POLI: variants seen among roughly 807,000 people sequenced by gnomAD.
POLI encodes the protein RAD30 homolog B.
In POLI, 58 loss-of-function variants were observed where a neutral mutation model predicts 51.6. The observed-to-expected ratio is 1.12, with a 90% CI of 0.91 to 1.40. The LOEUF is 1.40. POLI is among the 40% of genes most tolerant of loss of function. The pLI is 0.00. For synonymous variants in POLI, 322 were observed against 299.7 expected, an observed-to-expected ratio of 1.07 and a Z score of -0.77; for missense variants, 921 against 871.3, an observed-to-expected ratio of 1.06 and a Z score of -0.72.
rs112863805 is a variant in POLI at position 54,277,603 on chromosome 18, C to G, written c.407-100C>G. On this transcript the variant is annotated intron_variant, in intron 3 of 9. Transcript: ENST00000579534. ...ATGGAACTATGAATGTATATAAAAC[C>G]TTTAACAATAAATTTGATAAATTTT... 4.6e-4 allele frequency: 325 copies of G among 713,444 alleles called. 4 individuals are homozygous for G. The African/African-American group carries it at 4.9e-3, about 11-fold the overall frequency. The allele number at this position is 713,444 out of a possible 1,614,324, so 44.2% of individuals were successfully genotyped here.
At chr18:54,288,128 G>T (rs1192947411) in intron 8 of POLI, among the ~76,000 whole-genome samples, 1 of 152,132 alleles carries the variant, frequency 6.6e-6, no homozygotes, top group Non-Finnish European at 1.5e-5. Flanking sequence ...CAAAGTTTGT[G>T]TATTAATTTA....
chr18:54,318,904 C>T (rs972350888), intron 3 of POLI, among the ~76,000 whole-genome samples: 5 of 152,134 alleles, frequency 3.3e-5, no homozygotes, highest in Admixed American at 3.3e-4. Context: ...TGCTTTTTTA[C>T]TATAGATACT....
chr18:54,275,308 C>CCA (rs2087190599), intron 3 of POLI, among the ~76,000 whole-genome samples: 1 of 151,888 alleles, frequency 6.6e-6, no homozygotes, highest in African/African-American at 2.4e-5. Flanking sequence ...GTGCGCATGA[C>CCA]AGAGTGAGAC....
Position 54,294,002 on chromosome 18 carries a change from T to C in POLI, c.1758T>C (p.Asp586=). 6.2e-7 allele frequency: 1 copy of C among 1,613,434 alleles called. No individual in the cohort carries two copies. The highest frequency in any genetic ancestry group is 8.5e-7 in the Non-Finnish European group (1 of 1,179,536). Residue 586 remains aspartate (D), a synonymous_variant, in exon 10 of 10, where the codon GAT becomes GAC. Coordinates refer to ENST00000579534, the MANE Select transcript of POLI (RefSeq NM_007195.3). ...QMQDIPINPR[D]HLSSSKQVSS... ...AAGATATTCCCATAAATCCTAGAGA[T>C]CATTTATCCAGTAGCAAACAGGTAT...
intron 2 of POLI, 119 bp from the exon 3 acceptor site, chr18:54,273,806 CT>C: frequency 2.0e-6 from 1 of 507,642 alleles, no homozygotes; most frequent in Non-Finnish European, 3.3e-6. Flanking sequence ...TGAGACAGGG[CT>C]TTTGATTCTT....
Position 54,297,112 on chromosome 18 carries a change from T to C in POLI, c.*2645T>C, listed in dbSNP as rs1459666045. The C allele has an allele frequency of 1.0e-6, 1 of 985,262 alleles. No homozygotes were observed. Among genetic ancestry groups the C allele is most frequent in the Non-Finnish European group, 1.2e-6 (1 of 829,906 alleles). The allele number at this position is 985,262 out of a possible 1,614,324, so 61.0% of individuals were successfully genotyped here. A position where few individuals can be genotyped will look rare whatever the true frequency, so the allele number is the denominator to read the frequency against. On this transcript the variant is annotated 3_prime_UTR_variant, in exon 10 of 10. Coordinates refer to ENST00000579534, the MANE Select transcript of POLI (RefSeq NM_007195.3). ...TCCTGATTGAATGCCTTGTCTTAAGTGTAAGCTCCCTGACCCTTACTACTA... is the reference window on the plus strand; with the variant it reads ...TCCTGATTGAATGCCTTGTCTTAAGCGTAAGCTCCCTGACCCTTACTACTA...
At chr18:54,287,222 A>C in intron 7 of POLI, 59 bp from the exon 8 acceptor site, 1 of 1,241,170 alleles carries the variant, frequency 8.1e-7, no homozygotes, top group South Asian at 1.4e-5. Context: ...GAGATGTTAC[A>C]TAATTTAAAA....
chr18:54,282,989 C>A lies in POLI; in HGVS notation c.949C>A (p.Pro317Thr). 1 of 1,608,740 alleles carries A rather than the reference C, an allele frequency of 6.2e-7. No individual in the cohort carries two copies. Among genetic ancestry groups the A allele is most frequent in the Non-Finnish European group, 8.5e-7 (1 of 1,176,486 alleles). Reference protein sequence around the residue: ...QKLSFGEDNSPVILSGPPQSF... With the variant: ...QKLSFGEDNSTVILSGPPQSF... The stretch of plus-strand genomic sequence containing the variant: ...GCTCAGTTTTGGAGAGGATAACTCC[C>A]CTGTGATACTCTCAGGACCACCTCA... Residue 317 changes from proline to threonine, a missense_variant, in exon 6 of 10, where the codon CCT becomes ACT. Coordinates refer to ENST00000579534, the MANE Select transcript of POLI (RefSeq NM_007195.3).
chr18:54,272,746 A>G (rs2087062412), intron 2 of POLI, among the ~76,000 whole-genome samples: 1 of 151,604 alleles, frequency 6.6e-6, no homozygotes, highest in Admixed American at 6.6e-5. Context: ...TGCGGGGACT[A>G]CAGACGTGAG....
At chr18:54,311,012 C>A in intron 3 of POLI, 1 of 670,818 alleles carries the variant, frequency 1.5e-6, no homozygotes, top group Non-Finnish European at 1.8e-6. Flanking sequence ...CCTGCCTTTG[C>A]TTCCTGAAGT....
downstream of POLI, among the ~76,000 whole-genome samples, chr18:54,298,465 A>C (rs1362319958): frequency 6.6e-6 from 1 of 152,038 alleles, no homozygotes; most frequent in Non-Finnish European, 1.5e-5. Flanking sequence ...CATCATTAGC[A>C]TACAGTGTCA....
At chr18:54,290,042 A>T (rs1043617581) in intron 8 of POLI, among the ~76,000 whole-genome samples, 1 of 152,228 alleles carries the variant, frequency 6.6e-6, no homozygotes. Context: ...TGAACAGGCA[A>T]CCTACAGAAT....
intron 1 of POLI, chr18:54,270,897 A>G (rs1330921010): frequency 6.5e-6 from 1 of 154,174 alleles, no homozygotes; most frequent in Non-Finnish European, 1.4e-5. Context: ...AATAGCCCAC[A>G]CTTGTACCCA....
At chr18:54,274,183 A>C (rs1027186610) in intron 3 of POLI, 93 bp downstream of exon 3, 2 of 593,896 alleles carry the variant, frequency 3.4e-6, no homozygotes, top group Admixed American at 8.6e-5. Context: ...AAATAACATA[A>C]GTCAAGATGC....
At chr18:54,316,410 A>G (rs2088734827) in intron 3 of POLI, among the ~76,000 whole-genome samples, 1 of 152,186 alleles carries the variant, frequency 6.6e-6, no homozygotes, top group African/African-American at 2.4e-5. Flanking sequence ...GCAAAGAAAA[A>G]TGTTGATATA....
In POLI at chr18:54,277,756, T is replaced by G; in HGVS notation, c.460T>G (p.Phe154Val). The change falls in exon 4 of 10, where the codon TTT becomes GTT. Residue 154 changes from phenylalanine to valine, a missense_variant. By Grantham distance (50) the Phe-to-Val change is conservative (BLOSUM62 -1). Coordinates refer to ENST00000579534, the MANE Select transcript of POLI (RefSeq NM_007195.3). Reference sequence around the variant, plus strand: ...TGAGAGACTTGGATTTGATGAAAATTTTGTGGATCTAACAGAAATGGTTGA... The same window carrying G: ...TGAGAGACTTGGATTTGATGAAAATGTTGTGGATCTAACAGAAATGGTTGA... ...VVERLGFDEN[F>V]VDLTEMVEKR... is the part of the protein sequence containing the mutation. The G allele has an allele frequency of 6.2e-7, 1 of 1,610,256 alleles. No homozygotes were observed. Among genetic ancestry groups the G allele is most frequent in the Non-Finnish European group, 8.5e-7 (1 of 1,177,154 alleles).
In POLI at chr18:54,297,991, A is replaced by G. The variant is rs1387257690; in HGVS notation, c.*3524A>G. Reference sequence around the variant, plus strand: ...ATCTCTTGAGCTGTTCTAAGATAATATCTTTTACTTTGGAGATACGCAGTT... The same window carrying G: ...ATCTCTTGAGCTGTTCTAAGATAATGTCTTTTACTTTGGAGATACGCAGTT... On this transcript the variant is annotated 3_prime_UTR_variant, in exon 10 of 10. Coordinates refer to ENST00000579534, the MANE Select transcript of POLI (RefSeq NM_007195.3). The G allele has an allele frequency of 1.0e-6, 1 of 980,750 alleles. No individual in the cohort carries two copies. The highest frequency in any genetic ancestry group is 1.7e-5 in the African/African-American group (1 of 57,156). 60.8% of individuals were successfully genotyped at this position (980,750 alleles called of 1,614,324 possible). A position where few individuals can be genotyped will look rare whatever the true frequency, so the allele number is the denominator to read the frequency against.
chr18:54,313,935 C>T (rs1199028254), intron 3 of POLI, among the ~76,000 whole-genome samples: 1 of 151,946 alleles, frequency 6.6e-6, no homozygotes, highest in African/African-American at 2.4e-5. Context: ...GTTTGGATAC[C>T]CTTTATTCCT....
intron 3 of POLI, among the ~76,000 whole-genome samples, chr18:54,316,777 A>T (rs565702072): frequency 6.6e-6 from 1 of 152,204 alleles, no homozygotes; most frequent in Non-Finnish European, 1.5e-5. Flanking sequence ...CTTATAGTAC[A>T]TTGGAAAACA....
Sources: gnomAD v4.1 joint callset for allele counts (sites outside exome capture counted in the v4.1 genomes callset) on GRCh38, gnomAD v4.1.1 for gene constraint, MANE v1.5 for transcripts, NCBI Gene and HGNC (gene_info 2026-07-23, HGNC 2026-07-21) for gene names.